ADAMTSL3: variants seen among roughly 807,000 people sequenced by gnomAD.
ADAMTSL3 encodes ADAMTS like 3, also known as ADAMTS-like protein 3.
Under a neutral mutation model 201.7 loss-of-function variants are expected in ADAMTSL3, and 128 were observed. The ratio of observed to expected loss-of-function variants is 0.63; its 90% CI spans 0.55 to 0.73. The LOEUF (loss-of-function observed/expected upper bound fraction) is 0.73, where lower values mean the gene tolerates loss of function less well. Ranked by LOEUF, ADAMTSL3 falls within the 30% of genes least tolerant of loss-of-function variation. ADAMTSL3 has a pLI of 0.00. For synonymous variants in ADAMTSL3, 738 were observed against 748.4 expected (o/e 0.99, Z 0.23); for missense variants, 1,990 against 2,119.6 (o/e 0.94, Z 1.20).
chr15:83,905,356 A>G (rs1302322217), intron 15 of ADAMTSL3, among the ~76,000 whole-genome samples: 6 of 152,210 alleles, frequency 3.9e-5, no homozygotes, highest in Non-Finnish European at 5.9e-5. Flanking sequence ...AGAGTGTCCT[A>G]CAATGTCAGA....
chr15:84,004,298 C>T (rs542636095), intron 23 of ADAMTSL3, among the ~76,000 whole-genome samples: 5 of 152,144 alleles, frequency 3.3e-5, no homozygotes, highest in East Asian at 1.9e-4. Context: ...TTTAATTCAT[C>T]GGCAGTATGT....
chr15:83,722,157 C>T (rs148029619), intron 3 of ADAMTSL3, among the ~76,000 whole-genome samples: 228 of 152,138 alleles, frequency 1.5e-3, no homozygotes, highest in Non-Finnish European at 2.5e-3. Flanking sequence ...AATCAAGAGG[C>T]GGGAGATGCT....
intron 4 of ADAMTSL3, among the ~76,000 whole-genome samples, chr15:83,797,150 G>A (rs930814073): frequency 2.0e-5 from 3 of 151,860 alleles, no homozygotes; most frequent in Admixed American, 2.0e-4. Flanking sequence ...AACCAATAAA[G>A]GACTAGTATT....
At position 83,849,137 on chromosome 15, in the gene ADAMTSL3, T is replaced by C. The variant is rs375655069; in HGVS notation, c.728-9629T>C. Among the ~76,000 whole-genome samples the C allele has an allele frequency of 3.9e-5, 6 of 152,164 alleles. No individual in the cohort carries two copies. The East Asian group carries it at 7.7e-4, about 20-fold the overall frequency. ...GAGGAAGCCTTTTCTCTCCATCTTA[T>C]ATGTTTTCTTTTTTAAATTAGACAC... is the stretch of plus-strand genomic sequence containing the variant. On this transcript the variant is annotated intron_variant, in intron 7 of 29. Coordinates refer to ENST00000286744, the MANE Select transcript of ADAMTSL3 (RefSeq NM_207517.3).
At chr15:83,792,731 C>T (rs1270111713) in intron 4 of ADAMTSL3, among the ~76,000 whole-genome samples, 1 of 150,532 alleles carries the variant, frequency 6.6e-6, no homozygotes, top group African/African-American at 2.4e-5. Context: ...TGCAGTGAGT[C>T]GAGATTGTGC....
intron 3 of ADAMTSL3, among the ~76,000 whole-genome samples, chr15:83,752,582 T>G (rs2062654108): frequency 6.6e-6 from 1 of 152,342 alleles, no homozygotes; most frequent in African/African-American, 2.4e-5. Context: ...TCCAAATTAC[T>G]TATATCTTTC....
chr15:83,784,596 T>G, intron 4 of ADAMTSL3, among the ~76,000 whole-genome samples: 1 of 152,158 alleles, frequency 6.6e-6, no homozygotes, highest in East Asian at 1.9e-4. Flanking sequence ...TTAAAATCTT[T>G]CCTCCTCTCT....
chr15:83,701,641 A>G (rs1161797881), intron 2 of ADAMTSL3, among the ~76,000 whole-genome samples: 1 of 152,172 alleles, frequency 6.6e-6, no homozygotes, highest in Non-Finnish European at 1.5e-5. Flanking sequence ...TGATGGCTTT[A>G]TCAATGGTTT....
At chr15:83,877,967 G>C (rs2141846770) in intron 9 of ADAMTSL3, among the ~76,000 whole-genome samples, 1 of 152,094 alleles carries the variant, frequency 6.6e-6, no homozygotes, top group African/African-American at 2.4e-5. Context: ...GAATTCTTTT[G>C]GATTGTATAC....
At chr15:83,813,178 G>T (rs1405334242) in intron 5 of ADAMTSL3, among the ~76,000 whole-genome samples, 1 of 152,234 alleles carries the variant, frequency 6.6e-6, no homozygotes, top group Non-Finnish European at 1.5e-5. Flanking sequence ...GGAACAGTAG[G>T]TCAGACCTTC....
At chr15:83,891,298 A>G (rs758291082) in intron 11 of ADAMTSL3, 31 bp from the exon 12 acceptor site, 2 of 1,529,852 alleles carry the variant, frequency 1.3e-6, no homozygotes, top group Admixed American at 3.3e-5. Flanking sequence ...TTATTATAGA[A>G]ATGATATTCT....
rs1479679715 is a variant in ADAMTSL3 at position 84,036,949 on chromosome 15, C to T, written c.4931C>T (p.Pro1644Leu). The change falls in exon 29 of 30, where the codon CCA becomes CTA. Residue 1644 changes from proline (P) to leucine (L), a missense_variant. Transcript: ENST00000286744. ...AGACACTGTGTACAGAAAAAGAAAC[C>T]AATTTCCTGGCGGCACTGTCTTGGG... ...AKRHCVQKKKPISWRHCLGPS... is the reference protein window; with the variant it reads ...AKRHCVQKKKLISWRHCLGPS... 11 of 1,614,054 alleles carry T rather than the reference C, an allele frequency of 6.8e-6. No homozygotes were observed. Among genetic ancestry groups the T allele is most frequent in the Non-Finnish European group, 9.3e-6 (11 of 1,180,008 alleles).
intron 19 of ADAMTSL3, among the ~76,000 whole-genome samples, chr15:83,946,520 G>A (rs1006697042): frequency 1.3e-5 from 2 of 152,206 alleles, no homozygotes; most frequent in African/African-American, 2.4e-5. Flanking sequence ...CTTCCCATCT[G>A]GTTTATATTG....
intron 24 of ADAMTSL3, 93 bp from the exon 25 acceptor site, chr15:84,016,290 C>G: frequency 1.1e-6 from 1 of 918,574 alleles, no homozygotes; most frequent in Non-Finnish European, 1.7e-6. Flanking sequence ...ATAGAGGACT[C>G]ATTTTCTAAT....
At chr15:83,805,562 A>T (rs149480545) in intron 5 of ADAMTSL3, among the ~76,000 whole-genome samples, 9,540 of 151,756 alleles carry the variant, frequency 0.063, 384 homozygotes, top group East Asian at 0.19. Flanking sequence ...GTCTCAAAAA[A>T]AAAAAAATAA....
chr15:83,957,848 A>G (rs931551697), intron 19 of ADAMTSL3, among the ~76,000 whole-genome samples: 3 of 152,222 alleles, frequency 2.0e-5, no homozygotes, highest in East Asian at 3.9e-4. Context: ...AGTTGAAACC[A>G]TGGAAGATGA....
intron 5 of ADAMTSL3, among the ~76,000 whole-genome samples, chr15:83,809,776 C>G (rs1485793863): frequency 6.6e-6 from 1 of 152,172 alleles, no homozygotes; most frequent in Admixed American, 6.5e-5. Context: ...GATCTCATTT[C>G]AAATGAGATT....
intron 17 of ADAMTSL3, among the ~76,000 whole-genome samples, chr15:83,927,968 T>C (rs1260689384): frequency 1.4e-5 from 2 of 145,584 alleles, no homozygotes; most frequent in African/African-American, 4.9e-5. Context: ...AATTTGGCTG[T>C]GTGATTTTTT....
intron 2 of ADAMTSL3, among the ~76,000 whole-genome samples, chr15:83,677,827 C>G (rs1014343624): frequency 6.6e-6 from 1 of 151,738 alleles, no homozygotes; most frequent in Admixed American, 6.6e-5. Context: ...CTTATTTTGT[C>G]TTTAGTCTCA....
Sources: allele counts gnomAD v4.1 joint callset (sites outside exome capture counted in the v4.1 genomes callset), GRCh38; gene constraint gnomAD v4.1.1; transcripts MANE v1.5; gene names NCBI Gene and HGNC (gene_info 2026-07-23, HGNC 2026-07-21).